Variants in NCK2 observed in about 807,000 individuals in gnomAD.
NCK2 encodes the protein NCK adaptor protein 2.
In NCK2, 16 loss-of-function variants were observed where a neutral mutation model predicts 33.9. That is an observed-to-expected ratio of 0.47 (90% CI 0.32 to 0.72). NCK2 has a LOEUF of 0.72. Ranked by LOEUF, NCK2 falls within the 30% of genes least tolerant of loss-of-function variation. The pLI is 0.03. For missense variants in NCK2, 418 were observed against 537.3 expected (o/e 0.78, Z 2.19); for synonymous variants, 273 against 239.9 (o/e 1.14, Z -1.27).
chr2:105,847,870 ATAGCAT>A (rs1441906466), intron 2 of NCK2, among the ~76,000 whole-genome samples: 1 of 152,192 alleles, frequency 6.6e-6, no homozygotes, highest in Non-Finnish European at 1.5e-5. Flanking sequence ...ATACAAGCTG[ATAGCAT>A]TAGCATTAGC....
At chr2:105,784,363 G>T (rs1304062767) in intron 1 of NCK2, among the ~76,000 whole-genome samples, 1 of 152,242 alleles carries the variant, frequency 6.6e-6, no homozygotes, top group African/African-American at 2.4e-5. Flanking sequence ...CCTTGTGGTG[G>T]TCATATGGGC....
chr2:105,883,490 G>A lies in NCK2; in HGVS notation c.948+1441G>A, dbSNP rs184219419. On this transcript the variant is annotated intron_variant, in intron 4 of 4. Transcript: ENST00000233154. ...ACTTCTCAGAAGGAAGTCCTGCAGT[G>A]TGGAGACATTGGTCCCAGTCATTAT... 1.2e-4 allele frequency among the ~76,000 whole-genome samples: 18 copies of A among 152,292 alleles called. No individual in the cohort carries two copies. The East Asian group carries it at 2.9e-3, about 24-fold the overall frequency.
intron 3 of NCK2, among the ~76,000 whole-genome samples, chr2:105,872,705 C>T (rs1418375591): frequency 6.6e-6 from 1 of 152,172 alleles, no homozygotes; most frequent in Non-Finnish European, 1.5e-5. Context: ...TGTAGGTATT[C>T]TAGTGTAAAT....
chr2:105,750,144 G>A (rs1195243926), intron 1 of NCK2, among the ~76,000 whole-genome samples: 1 of 151,700 alleles, frequency 6.6e-6, no homozygotes, highest in Non-Finnish European at 1.5e-5. Context: ...GGAAGTCCAT[G>A]ACCCCGGGGC....
intron 1 of NCK2, among the ~76,000 whole-genome samples, chr2:105,807,315 G>A (rs181397354): frequency 1.3e-5 from 2 of 152,310 alleles, no homozygotes; most frequent in Non-Finnish European, 2.9e-5. Context: ...TGCTCTCCTC[G>A]AAGGGCAGGG....
chr2:105,844,747 G>GATATATATATATAT (rs67123338), intron 2 of NCK2, among the ~76,000 whole-genome samples: 2 of 133,610 alleles, frequency 1.5e-5, no homozygotes, highest in African/African-American at 2.9e-5. Flanking sequence ...GGCGGGGGGG[G>GATATATATATATAT]ATATATATAT....
chr2:105,870,158 G>A (rs1460384806), intron 3 of NCK2, among the ~76,000 whole-genome samples: 1 of 152,230 alleles, frequency 6.6e-6, no homozygotes, highest in Non-Finnish European at 1.5e-5. Flanking sequence ...GGCCCCACCT[G>A]TATGGGCTGA....
At chr2:105,878,676 T>TG (rs1678335607) in intron 3 of NCK2, among the ~76,000 whole-genome samples, 1 of 152,190 alleles carries the variant, frequency 6.6e-6, no homozygotes, top group Non-Finnish European at 1.5e-5. Context: ...TGTTCACATT[T>TG]GGGGGGTAAG....
chr2:105,878,639 TATC>T (rs1678334043), intron 3 of NCK2, among the ~76,000 whole-genome samples: 1 of 152,188 alleles, frequency 6.6e-6, no homozygotes, highest in Non-Finnish European at 1.5e-5. Context: ...CTATGGTACT[TATC>T]ATGGTTCCCT....
In NCK2 at chr2:105,840,322, C is replaced by T. The variant is rs1414600336; in HGVS notation, c.-16-14726C>T. 3.3e-5 allele frequency among the ~76,000 whole-genome samples: 5 copies of T among 152,242 alleles called. No individual in the cohort carries two copies. In the East Asian group the frequency reaches 7.7e-4, roughly 24 times the overall value. ...ACCCAGACAGCTCACCCCTGTAACACGTGGGACACATGGAGATGTTTTCTT... is the reference window on the plus strand; with the variant it reads ...ACCCAGACAGCTCACCCCTGTAACATGTGGGACACATGGAGATGTTTTCTT... On this transcript the variant is annotated intron_variant, in intron 2 of 4. Transcript: ENST00000233154.
At chr2:105,788,807 A>G (rs1420157737) in intron 1 of NCK2, among the ~76,000 whole-genome samples, 3 of 152,150 alleles carry the variant, frequency 2.0e-5, no homozygotes, top group Non-Finnish European at 4.4e-5. Flanking sequence ...ACTGTAATCC[A>G]ATACTCTGTA....
chr2:105,778,553 CAG>C (rs1690384943), intron 1 of NCK2, among the ~76,000 whole-genome samples: 1 of 152,220 alleles, frequency 6.6e-6, no homozygotes, highest in Non-Finnish European at 1.5e-5. Context: ...GATTTGCCGG[CAG>C]AGTTAACTCT....
intron 1 of NCK2, among the ~76,000 whole-genome samples, chr2:105,767,686 A>C (rs1376049578): frequency 1.3e-5 from 2 of 152,202 alleles, no homozygotes; most frequent in East Asian, 3.8e-4. Context: ...CGCAGCCCCT[A>C]GTGTGCAGCA....
intron 1 of NCK2, among the ~76,000 whole-genome samples, chr2:105,777,771 G>A (rs1024663461): frequency 1.3e-5 from 2 of 152,086 alleles, no homozygotes; most frequent in African/African-American, 4.8e-5. Context: ...TGAAGCCCTG[G>A]TAGGAACTGT....
chr2:105,782,205 C>T lies in NCK2; in HGVS notation c.-200-34225C>T, dbSNP rs1573585864. ...TTATAGGAGTAAGGGGACAACCCTCCTGGTCTGGCTGTAGGCAGGCGGGGT... is the reference window on the plus strand; with the variant it reads ...TTATAGGAGTAAGGGGACAACCCTCTTGGTCTGGCTGTAGGCAGGCGGGGT... On this transcript the variant is annotated intron_variant, in intron 1 of 4. Coordinates refer to ENST00000233154, the MANE Select transcript of NCK2 (RefSeq NM_003581.5). 5.3e-5 allele frequency among the ~76,000 whole-genome samples: 8 copies of T among 152,324 alleles called. No homozygotes were observed. The Middle Eastern group carries it at 0.014, about 259-fold the overall frequency.
intron 1 of NCK2, among the ~76,000 whole-genome samples, chr2:105,791,989 G>A (rs910243376): frequency 2.0e-5 from 3 of 152,178 alleles, no homozygotes; most frequent in Non-Finnish European, 2.9e-5. Context: ...AGCCTTAATG[G>A]GTTAGCGGTT....
chr2:105,785,533 C>G (rs942848633), intron 1 of NCK2, among the ~76,000 whole-genome samples: 3 of 152,224 alleles, frequency 2.0e-5, no homozygotes, highest in African/African-American at 7.2e-5. Context: ...GCCCAGTCCT[C>G]CTTGTAACCT....
chr2:105,800,153 ACCGTATAGTC>A (rs1674770663), intron 1 of NCK2, among the ~76,000 whole-genome samples: 1 of 152,196 alleles, frequency 6.6e-6, no homozygotes, highest in Non-Finnish European at 1.5e-5. Context: ...GCCTGGCTGC[ACCGTATAGTC>A]TGGCTCTCCC....
At chr2:105,882,139 G>A in intron 4 of NCK2, 90 bp downstream of exon 4, 3 of 1,331,906 alleles carry the variant, frequency 2.3e-6, no homozygotes, top group Non-Finnish European at 2.9e-6. Flanking sequence ...CACATTGTGT[G>A]AGTACACTAG....
Sources: gnomAD v4.1 joint callset for allele counts (sites outside exome capture counted in the v4.1 genomes callset) on GRCh38, gnomAD v4.1.1 for gene constraint, MANE v1.5 for transcripts, NCBI Gene and HGNC (gene_info 2026-07-23, HGNC 2026-07-21) for gene names.